MYO3B: variants seen among roughly 807,000 people sequenced by gnomAD.
MYO3B encodes myosin-IIIb.
In MYO3B, 156 loss-of-function variants were observed where a neutral mutation model predicts 174.6. The ratio of observed to expected loss-of-function variants is 0.89; its 90% CI spans 0.78 to 1.02. MYO3B has a LOEUF of 1.02. MYO3B is among the 50% of genes least tolerant of loss of function. MYO3B has a pLI of 0.00. For synonymous variants in MYO3B, 563 were observed against 569.1 expected (o/e 0.99, Z 0.15); for missense variants, 1,632 against 1,639.4 (o/e 1.00, Z 0.08).
At chr2:170,537,739 G>A (rs561176466) in intron 30 of MYO3B, among the ~76,000 whole-genome samples, 5 of 152,024 alleles carry the variant, frequency 3.3e-5, no homozygotes, top group African/African-American at 4.8e-5. Context: ...GAGCCACCAC[G>A]CCCAGCCAAG....
chr2:170,603,256 T>G (rs1473341511), intron 32 of MYO3B, among the ~76,000 whole-genome samples: 2 of 151,972 alleles, frequency 1.3e-5, no homozygotes, highest in African/African-American at 4.8e-5. Context: ...CCCATAGAAG[T>G]CTTAGTATTG....
chr2:170,253,287 T>G (rs944866469), intron 7 of MYO3B, among the ~76,000 whole-genome samples: 1 of 152,092 alleles, frequency 6.6e-6, no homozygotes, highest in African/African-American at 2.4e-5. Context: ...ATGGATTTGA[T>G]GTAGGGTATG....
intron 32 of MYO3B, among the ~76,000 whole-genome samples, chr2:170,559,381 A>T (rs1293817728): frequency 2.0e-5 from 3 of 152,214 alleles, no homozygotes; most frequent in Non-Finnish European, 4.4e-5. Flanking sequence ...AGTCTATTAC[A>T]TTATATCCAA....
chr2:170,264,527 G>T (rs1380083641), intron 7 of MYO3B, among the ~76,000 whole-genome samples: 1 of 152,206 alleles, frequency 6.6e-6, no homozygotes, highest in African/African-American at 2.4e-5. Flanking sequence ...GAGGGACAAA[G>T]AATTTACAGT....
chr2:170,618,680 A>G (rs992710099), intron 32 of MYO3B, among the ~76,000 whole-genome samples: 1 of 152,084 alleles, frequency 6.6e-6, no homozygotes, highest in Admixed American at 6.5e-5. Flanking sequence ...TGGTGCCAAC[A>G]ATGCTCTGGA....
At chr2:170,503,269 G>A (rs931704677) in intron 28 of MYO3B, among the ~76,000 whole-genome samples, 67 of 152,210 alleles carry the variant, frequency 4.4e-4, no homozygotes, top group African/African-American at 1.5e-3. Flanking sequence ...TCTTTTGAGT[G>A]CTCCCTGTCT....
At chr2:170,560,085 T>C (rs1691606661) in intron 32 of MYO3B, among the ~76,000 whole-genome samples, 1 of 152,216 alleles carries the variant, frequency 6.6e-6, no homozygotes, top group African/African-American at 2.4e-5. Context: ...TATTTCTTAC[T>C]CTTCCATTGC....
In MYO3B at chr2:170,493,336, G is replaced by GT. The variant is rs1388299237; in HGVS notation, c.3015-5248dup. ...GTAGCATTTAACTTTACTCTTTCTT[G>GT]TTTTTTTTCCCCTTGCATCAAAAAT... On this transcript the variant is annotated intron_variant, in intron 25 of 34. Transcript: ENST00000408978. Among the ~76,000 whole-genome samples the GT allele has an allele frequency of 3.3e-5, 5 of 151,608 alleles. No individual in the cohort carries two copies. The South Asian group carries it at 6.3e-4, about 19-fold the overall frequency.
rs774123008 is a variant in MYO3B, at chr2:170,407,768, C to T, written c.2574C>T (p.Ala858=). 1.5e-5 allele frequency: 24 copies of T among 1,613,968 alleles called. No homozygotes were observed. Among genetic ancestry groups the T allele is most frequent in the South Asian group, 3.3e-5 (3 of 91,062 alleles). ...AGAAAAATAGAGACACTCTCCCTGC[C>T]GATGTGGTTGTGGTCCTGAGAACGT... ...VLEKNRDTLP[A]DVVVVLRTSE... Residue 858 remains alanine, a synonymous_variant, in exon 22 of 35, where the codon GCC becomes GCT. Coordinates refer to ENST00000408978, the MANE Select transcript of MYO3B (RefSeq NM_138995.5).
At chr2:170,310,403 C>T (rs897057309) in intron 7 of MYO3B, among the ~76,000 whole-genome samples, 3 of 152,126 alleles carry the variant, frequency 2.0e-5, no homozygotes, top group Non-Finnish European at 4.4e-5. Context: ...TGGCTCATGC[C>T]TGTGATCCCA....
At chr2:170,541,025 A>C (rs1419061921) in intron 30 of MYO3B, among the ~76,000 whole-genome samples, 2 of 152,198 alleles carry the variant, frequency 1.3e-5, no homozygotes, top group African/African-American at 2.4e-5. Flanking sequence ...ACACACACAA[A>C]CATTACATTG....
At chr2:170,181,767 A>T (rs2092402478) in intron 1 of MYO3B, among the ~76,000 whole-genome samples, 1 of 152,182 alleles carries the variant, frequency 6.6e-6, no homozygotes, top group Non-Finnish European at 1.5e-5. Flanking sequence ...TGTAAAGTAA[A>T]TGCCTACCAG....
intron 7 of MYO3B, among the ~76,000 whole-genome samples, chr2:170,291,077 C>T (rs1044763146): frequency 2.0e-5 from 3 of 151,850 alleles, no homozygotes; most frequent in East Asian, 1.9e-4. Context: ...GGTGAAACCC[C>T]GTCTCTACTA....
intron 17 of MYO3B, among the ~76,000 whole-genome samples, chr2:170,400,829 G>GGTT (rs60401794): frequency 1.8e-4 from 27 of 151,000 alleles, no homozygotes; most frequent in East Asian, 1.0e-3. Context: ...TTTGAGCAGT[G>GGTT]TTTTTTTCTT....
rs180828007 is a variant in MYO3B at position 170,504,457 on chromosome 2, C to T, written c.3370+2592C>T. On this transcript the variant is annotated intron_variant, in intron 28 of 34. Transcript: ENST00000408978. ...CTCCTTCCCAATAAAAGCAGCCGTG[C>T]GGCTTATCCCTTTAGCTTCCTCAGA... is the stretch of plus-strand genomic sequence containing the variant. 2.3e-4 allele frequency among the ~76,000 whole-genome samples: 35 copies of T among 152,306 alleles called. No individual in the cohort carries two copies. The East Asian group carries it at 4.8e-3, about 21-fold the overall frequency.
intron 32 of MYO3B, among the ~76,000 whole-genome samples, chr2:170,649,275 T>G (rs1324249768): frequency 1.7e-5 from 1 of 57,914 alleles, no homozygotes; most frequent in Non-Finnish European, 2.8e-5. Context: ...ATATTATATA[T>G]AAAATAATAT....
intron 1 of MYO3B, among the ~76,000 whole-genome samples, chr2:170,193,357 T>G (rs2092562475): frequency 6.6e-6 from 1 of 152,044 alleles, no homozygotes; most frequent in Non-Finnish European, 1.5e-5. Flanking sequence ...ATATTATGAT[T>G]CTTTTTGGTT....
intron 8 of MYO3B, among the ~76,000 whole-genome samples, chr2:170,351,332 G>C (rs1484521696): frequency 6.6e-6 from 1 of 152,174 alleles, no homozygotes; most frequent in Non-Finnish European, 1.5e-5. Context: ...GGGTAGGGGA[G>C]AGGTTATGTG....
At chr2:170,219,390 T>G (rs2092866607) in intron 6 of MYO3B, among the ~76,000 whole-genome samples, 1 of 152,182 alleles carries the variant, frequency 6.6e-6, no homozygotes, top group African/African-American at 2.4e-5. Context: ...ATGCCTGTAA[T>G]CCCAGCACTT....
Sources: allele counts gnomAD v4.1 joint callset (sites outside exome capture counted in the v4.1 genomes callset), GRCh38; gene constraint gnomAD v4.1.1; transcripts MANE v1.5; gene names NCBI Gene and HGNC (gene_info 2026-07-23, HGNC 2026-07-21).